Variants in PPTC7 observed in about 807,000 individuals in gnomAD.
PPTC7 encodes protein phosphatase PTC7 homolog.
PPTC7 carries 6 observed loss-of-function variants against 30.8 expected under a neutral mutation model. The ratio of observed to expected loss-of-function variants is 0.19; its 90% CI spans 0.11 to 0.38. The LOEUF (loss-of-function observed/expected upper bound fraction) is 0.38. Ranked by LOEUF, PPTC7 falls within the 10% of genes least tolerant of loss-of-function variation. The pLI is 1.00. For synonymous variants in PPTC7, 163 were observed against 168.1 expected, an observed-to-expected ratio of 0.97 and a Z score of 0.23; for missense variants, 218 against 404.8, an observed-to-expected ratio of 0.54 and a Z score of 3.96.
chr12:110,562,708 G>A (rs1369088502), intron 1 of PPTC7, among the ~76,000 whole-genome samples: 3 of 151,726 alleles, frequency 2.0e-5, no homozygotes, highest in African/African-American at 7.3e-5. Flanking sequence ...CAGGAGAATC[G>A]CTTGAACCCA....
intron 3 of PPTC7, among the ~76,000 whole-genome samples, chr12:110,545,424 A>C (rs980256311): frequency 1.3e-5 from 2 of 152,166 alleles, no homozygotes; most frequent in Non-Finnish European, 2.9e-5. Flanking sequence ...ATTTCCTGCA[A>C]GTTCTATTTG....
chr12:110,581,179 C>T (rs1317773378), intron 1 of PPTC7, among the ~76,000 whole-genome samples: 2 of 152,092 alleles, frequency 1.3e-5, no homozygotes, highest in African/African-American at 4.8e-5. Flanking sequence ...GCGGCCGAGG[C>T]GAACACGAGG....
At chr12:110,547,862 T>C (rs1285238866) in intron 2 of PPTC7, among the ~76,000 whole-genome samples, 2 of 152,198 alleles carry the variant, frequency 1.3e-5, no homozygotes, top group African/African-American at 2.4e-5. Context: ...CCCAGCACTT[T>C]GAGAGGCTGA....
intron 1 of PPTC7, among the ~76,000 whole-genome samples, chr12:110,581,082 G>A (rs978592890): frequency 2.6e-5 from 4 of 152,190 alleles, no homozygotes; most frequent in South Asian, 4.1e-4. Context: ...AACCTTAGAG[G>A]CTCATTATCC....
chr12:110,572,250 C>G (rs958261109), intron 1 of PPTC7, among the ~76,000 whole-genome samples: 1 of 152,104 alleles, frequency 6.6e-6, no homozygotes, highest in African/African-American at 2.4e-5. Context: ...TCAAGAACAG[C>G]CTGGCCAACA....
At chr12:110,573,002 C>A (rs2064552658) in intron 1 of PPTC7, among the ~76,000 whole-genome samples, 1 of 152,136 alleles carries the variant, frequency 6.6e-6, no homozygotes, top group South Asian at 2.1e-4. Flanking sequence ...GCCTCAACCA[C>A]CAGAGTAGCT....
Position 110,554,384 on chromosome 12 carries a change from G to T in PPTC7, c.224-2416C>A, listed in dbSNP as rs377181494. On this transcript the variant is annotated intron_variant, in intron 1 of 5. Coordinates refer to ENST00000354300, the MANE Select transcript of PPTC7 (RefSeq NM_139283.2). ...TACAGAGTCAGGATCTCACTGTATT[G>T]CCCAGGCTTATTTTGAACTCCTGGG... Among the ~76,000 whole-genome samples, 55 of 152,198 alleles carry T rather than the reference G, an allele frequency of 3.6e-4. No individual in the cohort carries two copies. In the East Asian group the frequency reaches 9.1e-3, roughly 25 times the overall value.
chr12:110,579,013 G>A (rs1447384003), intron 1 of PPTC7, among the ~76,000 whole-genome samples: 1 of 152,126 alleles, frequency 6.6e-6, no homozygotes, highest in Non-Finnish European at 1.5e-5. Flanking sequence ...GCCGGGTGAG[G>A]TGGCACATGC....
At chr12:110,580,379 C>T (rs1239063031) in intron 1 of PPTC7, among the ~76,000 whole-genome samples, 2 of 152,180 alleles carry the variant, frequency 1.3e-5, no homozygotes, top group African/African-American at 4.8e-5. Flanking sequence ...TGCTCTGTTA[C>T]CCAGGCTGGA....
intron 1 of PPTC7, among the ~76,000 whole-genome samples, chr12:110,573,922 G>A (rs574992781): frequency 2.7e-4 from 41 of 151,822 alleles, no homozygotes; most frequent in Admixed American, 2.4e-3. Flanking sequence ...CGGAGGTTAC[G>A]GTGAGCCGAG....
chr12:110,541,483 G>A (rs1275736843), intron 3 of PPTC7, among the ~76,000 whole-genome samples: 2 of 151,164 alleles, frequency 1.3e-5, no homozygotes, highest in African/African-American at 2.4e-5. Context: ...CAAGGCGGGC[G>A]GATCACCTGA....
intron 1 of PPTC7, among the ~76,000 whole-genome samples, chr12:110,569,362 T>TA (rs1322103703): frequency 6.6e-6 from 1 of 151,464 alleles, no homozygotes; most frequent in Non-Finnish European, 1.5e-5. Flanking sequence ...TAAATAAAAA[T>TA]AAAAAAAGAG....
chr12:110,579,252 G>A (rs79866999), intron 1 of PPTC7, among the ~76,000 whole-genome samples: 1 of 152,170 alleles, frequency 6.6e-6, no homozygotes, highest in South Asian at 2.1e-4. Flanking sequence ...GCCAACTCAT[G>A]AAGTTATTTC....
chr12:110,582,249 A>G (rs2064643724), intron 1 of PPTC7, among the ~76,000 whole-genome samples: 1 of 152,226 alleles, frequency 6.6e-6, no homozygotes, highest in Non-Finnish European at 1.5e-5. Context: ...TTTTTCGCCA[A>G]GCCAGCAGCC....
chr12:110,541,653 T>C (rs545209914), intron 3 of PPTC7, among the ~76,000 whole-genome samples: 4 of 145,818 alleles, frequency 2.7e-5, no homozygotes, highest in East Asian at 2.0e-4. Flanking sequence ...TGAGCTGAGA[T>C]TGCACCATTG....
intron 1 of PPTC7, among the ~76,000 whole-genome samples, chr12:110,561,896 C>T (rs1445278026): frequency 6.6e-6 from 1 of 151,972 alleles, no homozygotes; most frequent in Non-Finnish European, 1.5e-5. Flanking sequence ...GAGCTGTGAT[C>T]GTGCCACTGT....
chr12:110,551,420 A>G (rs1195926665), intron 2 of PPTC7, among the ~76,000 whole-genome samples: 1 of 152,154 alleles, frequency 6.6e-6, no homozygotes, highest in Non-Finnish European at 1.5e-5. Context: ...ATCTCGGCAC[A>G]CCGCAACATC....
At chr12:110,537,917 A>G (rs1027802653) in intron 5 of PPTC7, among the ~76,000 whole-genome samples, 1 of 152,222 alleles carries the variant, frequency 6.6e-6, no homozygotes, top group Non-Finnish European at 1.5e-5. Flanking sequence ...TTCAGGTTCC[A>G]CCTGCCTCTG....
At chr12:110,572,590 C>A (rs1449405137) in intron 1 of PPTC7, among the ~76,000 whole-genome samples, 1 of 152,154 alleles carries the variant, frequency 6.6e-6, no homozygotes, top group African/African-American at 2.4e-5. Context: ...TAGTACTGGG[C>A]CCTTCAGCAG....
Sources: gnomAD v4.1 joint callset for allele counts (sites outside exome capture counted in the v4.1 genomes callset) on GRCh38, gnomAD v4.1.1 for gene constraint, MANE v1.5 for transcripts, NCBI Gene and HGNC (gene_info 2026-07-23, HGNC 2026-07-21) for gene names.